The following FNDC4 variants were observed in gnomAD, a reference collection of about 807,000 sequenced individuals.
FNDC4 encodes fibronectin type III domain containing 4, also known as fibronectin type III domain-containing protein 4.
FNDC4 carries 11 observed loss-of-function variants against 25.1 expected under a neutral mutation model. The ratio of observed to expected loss-of-function variants is 0.44; its 90% CI spans 0.28 to 0.73. The LOEUF (loss-of-function observed/expected upper bound fraction) is 0.73, where lower values mean the gene tolerates loss of function less well. Among genes scored for constraint, FNDC4 ranks in the 30% least tolerant of loss-of-function variants. The pLI is 0.16. For synonymous variants in FNDC4, 136 were observed against 118.8 expected (o/e 1.14, Z -0.94); for missense variants, 250 against 304.3 (o/e 0.82, Z 1.33).
In FNDC4 at chr2:27,492,801, A is replaced by G; in HGVS notation, c.545-11T>C. On this transcript the variant is annotated splice_polypyrimidine_tract_variant and intron_variant, in intron 5 of 6. Transcript: ENST00000264703. The surrounding 1 kb of genome is among the most constrained non-coding windows in gnomAD (Gnocchi z 4.1). ...ACAGCCCAATTACAGCTGAAACACA[A>G]TACAGTCTGAGCCTTCATCTCCACT... is the stretch of plus-strand genomic sequence containing the variant. The G allele has an allele frequency of 6.2e-7, 1 of 1,614,010 alleles. No individual in the cohort carries two copies. Among genetic ancestry groups the G allele is most frequent in the Non-Finnish European group, 8.5e-7 (1 of 1,180,030 alleles).
In FNDC4 at chr2:27,494,728, G is replaced by T; in HGVS notation, c.-24-25C>A. 6.9e-7 allele frequency: 1 copy of T among 1,447,232 alleles called. No homozygotes were observed. Among genetic ancestry groups the T allele is most frequent in the Non-Finnish European group, 9.1e-7 (1 of 1,093,412 alleles). The allele number at this position is 1,447,232 out of a possible 1,614,324, so 89.6% of individuals were successfully genotyped here. A position where few individuals can be genotyped will look rare whatever the true frequency, so the allele number is the denominator to read the frequency against. On this transcript the variant is annotated intron_variant, in intron 1 of 6. Transcript: ENST00000264703. This position sits in a 1 kb window ranked among gnomAD's most constrained non-coding sequence, Gnocchi z 4.6. ...CCTGGAGATGGCAGGAGTTGTGGGG[G>T]GTCAAGGACTGCCCAGAACGCACGG...
At position 27,494,759 on chromosome 2, in the gene FNDC4, G is replaced by T; in HGVS notation, c.-24-56C>A. On this transcript the variant is annotated intron_variant, in intron 1 of 6. Coordinates refer to ENST00000264703, the MANE Select transcript of FNDC4 (RefSeq NM_022823.3). This position sits in a 1 kb window ranked among gnomAD's most constrained non-coding sequence, Gnocchi z 4.6. Reference sequence around the variant, plus strand: ...GGACTGCCCAGAACGCACGGAGGTCGGGGGGCAGCAGCTCTCCTGGGCTCC... The same window carrying T: ...GGACTGCCCAGAACGCACGGAGGTCTGGGGGCAGCAGCTCTCCTGGGCTCC... 1.2e-6 allele frequency: 1 copy of T among 813,884 alleles called. No individual in the cohort carries two copies. The highest frequency in any genetic ancestry group is 1.8e-5 in the South Asian group (1 of 55,614). The allele number at this position is 813,884 out of a possible 1,614,324, so 50.4% of individuals were successfully genotyped here. A position where few individuals can be genotyped will look rare whatever the true frequency, so the allele number is the denominator to read the frequency against.
chr2:27,493,835 T>A (rs1029256611), intron 4 of FNDC4, 95 bp downstream of exon 4: 1 of 1,143,668 alleles, frequency 8.7e-7, no homozygotes, highest in Admixed American at 1.8e-5. Flanking sequence ...AATCATCCTA[T>A]TCAACTCAGC....
rs1413365440 is a variant in FNDC4 at position 27,494,692 on chromosome 2, C to T, written c.-13G>A. ...ATCCGCTTGGCATCCGCTTGACATCCAGGCGGGGCTCCTGGAGATGGCAGG... is the reference window on the plus strand; with the variant it reads ...ATCCGCTTGGCATCCGCTTGACATCTAGGCGGGGCTCCTGGAGATGGCAGG... On this transcript the variant is annotated 5_prime_UTR_variant, in exon 2 of 7. Coordinates refer to ENST00000264703, the MANE Select transcript of FNDC4 (RefSeq NM_022823.3). This position sits in a 1 kb window ranked among gnomAD's most constrained non-coding sequence, Gnocchi z 4.6. The T allele has an allele frequency of 6.6e-7, 1 of 1,525,496 alleles. No homozygotes were observed. The highest frequency in any genetic ancestry group is 1.2e-5 in the South Asian group (1 of 80,186). The allele number at this position is 1,525,496 out of a possible 1,614,324, so 94.5% of individuals were successfully genotyped here. A position where few individuals can be genotyped will look rare whatever the true frequency, so the allele number is the denominator to read the frequency against.
Position 27,494,218 on chromosome 2 carries a change from G to T in FNDC4, c.250-84C>A. 1 of 1,443,648 alleles carries T rather than the reference G, an allele frequency of 6.9e-7. No individual in the cohort carries two copies. The highest frequency in any genetic ancestry group is 9.6e-7 in the Non-Finnish European group (1 of 1,040,376). 89.4% of individuals were successfully genotyped at this position (1,443,648 alleles called of 1,614,324 possible). A position where few individuals can be genotyped will look rare whatever the true frequency, so the allele number is the denominator to read the frequency against. On this transcript the variant is annotated intron_variant, in intron 3 of 6. Transcript: ENST00000264703. The surrounding 1 kb of genome is among the most constrained non-coding windows in gnomAD (Gnocchi z 4.6). The stretch of plus-strand genomic sequence containing the variant: ...CAACCAGAGACTCTTCAACATCCAA[G>T]CACTCCGGGGGAGTAGCGTGAAAAG...
Position 27,493,440 on chromosome 2 carries a change from G to A in FNDC4, c.493C>T (p.Leu165=), listed in dbSNP as rs1208249131. The part of the protein sequence containing the change: ...TVEGLDGERP[L]QTGEVVIIVV... ...ATGATGACCACTTCCCCAGTCTGCA[G>A]TGGCCGCTCTCCATCCAGACCTTCC... Residue 165 remains leucine (L), a synonymous_variant, in exon 5 of 7, where the codon CTG becomes TTG. Coordinates refer to ENST00000264703, the MANE Select transcript of FNDC4 (RefSeq NM_022823.3). The A allele has an allele frequency of 6.2e-7, 1 of 1,614,042 alleles. No homozygotes were observed. The highest frequency in any genetic ancestry group is 2.2e-5 in the East Asian group (1 of 44,874).
Position 27,494,784 on chromosome 2 carries a change from C to T in FNDC4, c.-24-81G>A, listed in dbSNP as rs1669344488. The T allele has an allele frequency of 1.5e-6, 1 of 650,062 alleles. No individual in the cohort carries two copies. Among genetic ancestry groups the T allele is most frequent in the African/African-American group, 1.8e-5 (1 of 54,696 alleles). The allele number at this position is 650,062 out of a possible 1,614,324, so 40.3% of individuals were successfully genotyped here. ...GGGGGGCAGCAGCTCTCCTGGGCTC[C>T]CCACAGCTCACAACAGCCCTATTTT... On this transcript the variant is annotated intron_variant, in intron 1 of 6. Coordinates refer to ENST00000264703, the MANE Select transcript of FNDC4 (RefSeq NM_022823.3). The surrounding 1 kb of genome is among the most constrained non-coding windows in gnomAD (Gnocchi z 4.6).
intron 5 of FNDC4, 87 bp downstream of exon 5, chr2:27,493,302 G>GT: frequency 9.2e-7 from 1 of 1,082,482 alleles, no homozygotes; most frequent in African/African-American, 1.5e-5. Flanking sequence ...GTGAGCCACT[G>GT]TATCTCTCAC....
intron 5 of FNDC4, among the ~76,000 whole-genome samples, chr2:27,493,084 C>T (rs1669300346): frequency 6.7e-6 from 1 of 149,896 alleles, no homozygotes; most frequent in African/African-American, 2.5e-5. Context: ...TCTCGGCTCG[C>T]TCACTGCAAC....
At position 27,492,516 on chromosome 2, in the gene FNDC4, G is replaced by A. The variant is rs1669280530; in HGVS notation, c.670-38C>T. 1 of 1,599,240 alleles carries A rather than the reference G, an allele frequency of 6.3e-7. No individual in the cohort carries two copies. Among genetic ancestry groups the A allele is most frequent in the Non-Finnish European group, 8.6e-7 (1 of 1,166,476 alleles). On this transcript the variant is annotated intron_variant, in intron 6 of 6. Transcript: ENST00000264703. The surrounding 1 kb of genome is among the most constrained non-coding windows in gnomAD (Gnocchi z 4.1). ...ATGGCCTGAGTCTCAACTTCAGGAAGGTAATAGGTGCCACCCTTTCTCTCC... is the reference window on the plus strand; with the variant it reads ...ATGGCCTGAGTCTCAACTTCAGGAAAGTAATAGGTGCCACCCTTTCTCTCC...
intron 4 of FNDC4, 47 bp from the exon 5 acceptor site, chr2:27,493,525 A>G (rs751264704): frequency 2.2e-6 from 3 of 1,378,414 alleles, no homozygotes; most frequent in East Asian, 4.6e-5. Context: ...ACTGGGGTCC[A>G]TACTGCAGAC....
chr2:27,494,103 C>T lies in FNDC4; in HGVS notation c.281G>A (p.Arg94Gln), dbSNP rs1369676711. The change falls in exon 4 of 7, where the codon CGG becomes CAG. Residue 94 changes from arginine to glutamine, a missense_variant. Transcript: ENST00000264703. This position sits in a 1 kb window ranked among gnomAD's most constrained non-coding sequence, Gnocchi z 4.6. ...GGCCCGGGTGGTGGTGTTCACCTCCCGAATCACACGCTGCCCGGGGCCATT... is the reference window on the plus strand; with the variant it reads ...GGCCCGGGTGGTGGTGTTCACCTCCTGAATCACACGCTGCCCGGGGCCATT... Reference protein sequence around the residue: ...RQNGPGQRVIREVNTTTRACA... With the variant: ...RQNGPGQRVIQEVNTTTRACA... 3 of 1,613,968 alleles carry T rather than the reference C, an allele frequency of 1.9e-6. No homozygotes were observed. The highest frequency in any genetic ancestry group is 2.5e-6 in the Non-Finnish European group (3 of 1,180,028).
chr2:27,494,658 A>C lies in FNDC4; in HGVS notation c.22T>G (p.Ser8Ala), dbSNP rs762616382. Residue 8 changes from serine to alanine, a missense_variant, in exon 2 of 7, where the codon TCC (serine) becomes GCC (alanine). Physicochemically the swap from Ser to Ala is moderately conservative, Grantham distance 99. Coordinates refer to ENST00000264703, the MANE Select transcript of FNDC4 (RefSeq NM_022823.3). The surrounding 1 kb of genome is among the most constrained non-coding windows in gnomAD (Gnocchi z 4.6). MPSGCHS[S>A]PPSGLRGDMA... ...TCCCCACGGAGTCCGCTGGGGGGGG[A>C]ACTGTGGCATCCGCTTGGCATCCGC... is the stretch of plus-strand genomic sequence containing the variant. 1.4e-5 allele frequency: 22 copies of C among 1,568,868 alleles called. No homozygotes were observed. Among genetic ancestry groups the C allele is most frequent in the Non-Finnish European group, 1.9e-5 (22 of 1,161,016 alleles).
At chr2:27,493,772 C>G (rs916879396) in intron 4 of FNDC4, among the ~76,000 whole-genome samples, 158 bp downstream of exon 4, 2 of 152,194 alleles carry the variant, frequency 1.3e-5, no homozygotes, top group African/African-American at 4.8e-5. Flanking sequence ...CTGTCTATAC[C>G]CAATCCCCTT....
rs1669283381 is a variant in FNDC4, at chr2:27,492,627, C to A, written c.669+39G>T. The A allele has an allele frequency of 1.2e-6, 2 of 1,613,372 alleles. No homozygotes were observed. The highest frequency in any genetic ancestry group is 1.7e-6 in the Non-Finnish European group (2 of 1,179,486). On this transcript the variant is annotated intron_variant, in intron 6 of 6. Transcript: ENST00000264703. This position sits in a 1 kb window ranked among gnomAD's most constrained non-coding sequence, Gnocchi z 4.1. ...CCTTTCCCTGGCTGCCCCTCAGGGG[C>A]AGAATCACCCTTTCCGCCCTCACTG...
At position 27,494,545 on chromosome 2, in the gene FNDC4, ACC is replaced by A. The variant is rs1669335727; in HGVS notation, c.133_133+1del. On this transcript the variant is annotated splice_donor_variant and coding_sequence_variant, in exon 2 of 7. Coordinates refer to ENST00000264703, the MANE Select transcript of FNDC4 (RefSeq NM_022823.3). LOFTEE classifies it high-confidence loss of function. The surrounding 1 kb of genome is among the most constrained non-coding windows in gnomAD (Gnocchi z 4.6). ...CCCTCAGCCCCGTTCCCCTTTACTT[ACC>A]TGCTCGCACGAAGCCCAGGTCACAG... The A allele has an allele frequency of 2.5e-6, 4 of 1,612,058 alleles. No individual in the cohort carries two copies. In the East Asian group the frequency reaches 8.9e-5, roughly 36 times the overall value.
At position 27,494,651 on chromosome 2, in the gene FNDC4, G is replaced by T. The variant is rs200995008; in HGVS notation, c.29C>A (p.Pro10His). Reference protein sequence around the residue: MPSGCHSSPPSGLRGDMASL... With the variant: MPSGCHSSPHSGLRGDMASL... ...AGCCATGTCCCCACGGAGTCCGCTG[G>T]GGGGGGAACTGTGGCATCCGCTTGG... is the stretch of plus-strand genomic sequence containing the variant. Residue 10 changes from proline (P) to histidine (H), a missense_variant, in exon 2 of 7, where the codon CCC becomes CAC. Pro to His is a moderately conservative substitution (Grantham distance 77). Transcript: ENST00000264703. This position sits in a 1 kb window ranked among gnomAD's most constrained non-coding sequence, Gnocchi z 4.6. 2.1e-5 allele frequency: 33 copies of T among 1,581,722 alleles called. No individual in the cohort carries two copies. The highest frequency in any genetic ancestry group is 6.8e-5 in the East Asian group (3 of 44,076).
chr2:27,494,832 A>G lies in FNDC4; in HGVS notation c.-25+46T>C. 1.8e-6 allele frequency: 1 copy of G among 564,180 alleles called. No homozygotes were observed. The highest frequency in any genetic ancestry group is 3.1e-6 in the Non-Finnish European group (1 of 322,634). 34.9% of individuals were successfully genotyped at this position (564,180 alleles called of 1,614,324 possible). On this transcript the variant is annotated intron_variant, in intron 1 of 6. Transcript: ENST00000264703. This position sits in a 1 kb window ranked among gnomAD's most constrained non-coding sequence, Gnocchi z 4.6. ...TTTCTCTACGCCCTCCCGCCCCCGC[A>G]TTGCCCGGGCGGCCCCAGAGTGCGG...
chr2:27,494,417 G>C lies in FNDC4; in HGVS notation c.183C>G (p.Asn61Lys), dbSNP rs760863899. 2 of 1,614,232 alleles carry C rather than the reference G, an allele frequency of 1.2e-6. No homozygotes were observed. Among genetic ancestry groups the C allele is most frequent in the East Asian group, 2.2e-5 (1 of 44,884 alleles). The change falls in exon 3 of 7, where the codon AAC becomes AAG. Residue 61 changes from asparagine to lysine, a missense_variant. Coordinates refer to ENST00000264703, the MANE Select transcript of FNDC4 (RefSeq NM_022823.3). The surrounding 1 kb of genome is among the most constrained non-coding windows in gnomAD (Gnocchi z 4.6). ...GGACGTCCCAGGACACAGTGGCCGA[G>C]TTGGCTCTGAGGTGAGTGACCGTCA... ...VNVTVTHLRANSATVSWDVPE... is the reference protein window; with the variant it reads ...VNVTVTHLRAKSATVSWDVPE...
Sources: allele counts gnomAD v4.1 joint callset (sites outside exome capture counted in the v4.1 genomes callset), GRCh38; gene constraint gnomAD v4.1.1; non-coding constraint Gnocchi (gnomAD v3.1); transcripts MANE v1.5; gene names NCBI Gene and HGNC (gene_info 2026-07-23, HGNC 2026-07-21).